Variants in PPFIA2 observed in about 807,000 individuals in gnomAD.
PPFIA2 encodes liprin-alpha-2.
PPFIA2 carries 46 observed loss-of-function variants against 175.5 expected under a neutral mutation model. The observed-to-expected ratio is 0.26, with a 90% CI of 0.21 to 0.34. The LOEUF (loss-of-function observed/expected upper bound fraction) is 0.34. Among genes scored for constraint, PPFIA2 ranks in the 10% least tolerant of loss-of-function variants. The pLI is 1.00. For synonymous variants in PPFIA2, 568 were observed against 511.4 expected, an observed-to-expected ratio of 1.11 and a Z score of -1.49; for missense variants, 1,179 against 1,506.1, an observed-to-expected ratio of 0.78 and a Z score of 3.60.
At chr12:81,735,240 A>C (rs1447647623) in intron 3 of PPFIA2, among the ~76,000 whole-genome samples, 1 of 151,782 alleles carries the variant, frequency 6.6e-6, no homozygotes, top group South Asian at 2.1e-4. Flanking sequence ...GCAATGTATG[A>C]AAGTTCTTAA....
chr12:81,310,437 AT>A (rs1196653798), intron 22 of PPFIA2, among the ~76,000 whole-genome samples: 1 of 152,124 alleles, frequency 6.6e-6, no homozygotes, highest in African/African-American at 2.4e-5. Flanking sequence ...AAGAAACCGA[AT>A]TGTAGAATGA....
intron 5 of PPFIA2, 111 bp downstream of exon 5, chr12:81,457,654 A>G (rs1330840771): frequency 1.6e-6 from 1 of 608,030 alleles, no homozygotes; most frequent in Non-Finnish European, 2.8e-6. Flanking sequence ...CTATCTGCTT[A>G]AAGTAATTAT....
intron 4 of PPFIA2, among the ~76,000 whole-genome samples, chr12:81,566,654 GAGA>G (rs2071389558): frequency 6.6e-6 from 1 of 151,778 alleles, no homozygotes; most frequent in Admixed American, 6.6e-5. Context: ...CTCACTTCAA[GAGA>G]AGGACACATT....
chr12:81,611,379 C>T (rs1231997092), intron 4 of PPFIA2, among the ~76,000 whole-genome samples: 1 of 152,168 alleles, frequency 6.6e-6, no homozygotes, highest in African/African-American at 2.4e-5. Flanking sequence ...GGGGGTTCCT[C>T]CCCTGCCTGA....
At chr12:81,521,333 T>C (rs2063099007) in intron 4 of PPFIA2, among the ~76,000 whole-genome samples, 1 of 152,164 alleles carries the variant, frequency 6.6e-6, no homozygotes, top group Non-Finnish European at 1.5e-5. Context: ...GAGTGATAAC[T>C]TGACGTATTT....
At chr12:81,664,392 C>T in intron 4 of PPFIA2, among the ~76,000 whole-genome samples, 1 of 152,088 alleles carries the variant, frequency 6.6e-6, no homozygotes, top group South Asian at 2.1e-4. Context: ...TATGAACAGA[C>T]ACTTCTCAAA....
chr12:81,470,896 C>T (rs1162515007), intron 4 of PPFIA2, among the ~76,000 whole-genome samples: 1 of 152,076 alleles, frequency 6.6e-6, no homozygotes, highest in Non-Finnish European at 1.5e-5. Context: ...CATTGAACAA[C>T]AGCTACCCAC....
chr12:81,682,730 C>A (rs1342411124), intron 3 of PPFIA2, among the ~76,000 whole-genome samples: 3 of 151,906 alleles, frequency 2.0e-5, no homozygotes, highest in Non-Finnish European at 4.4e-5. Flanking sequence ...AAAAATTTCT[C>A]AAAATTCCCC....
intron 4 of PPFIA2, among the ~76,000 whole-genome samples, chr12:81,525,509 A>G (rs2063634313): frequency 6.6e-6 from 1 of 152,172 alleles, no homozygotes; most frequent in Non-Finnish European, 1.5e-5. Flanking sequence ...TCTCAGTACT[A>G]CAATCACAGG....
intron 4 of PPFIA2, among the ~76,000 whole-genome samples, chr12:81,580,786 T>C (rs2074285333): frequency 6.6e-6 from 1 of 151,796 alleles, no homozygotes; most frequent in Non-Finnish European, 1.5e-5. Flanking sequence ...ACATGTGCTT[T>C]GTGCCCTTTG....
intron 4 of PPFIA2, among the ~76,000 whole-genome samples, chr12:81,653,575 C>T (rs1299817057): frequency 6.6e-6 from 1 of 152,056 alleles, no homozygotes; most frequent in Non-Finnish European, 1.5e-5. Context: ...TTTCAGATGG[C>T]ATTCTCCTGC....
At chr12:81,336,340 G>A (rs186488083) in intron 21 of PPFIA2, among the ~76,000 whole-genome samples, 8 of 152,204 alleles carry the variant, frequency 5.3e-5, no homozygotes, top group Middle Eastern at 3.4e-3. Context: ...TACTGATATT[G>A]TCTATGCTAG....
intron 4 of PPFIA2, among the ~76,000 whole-genome samples, chr12:81,598,609 C>G (rs964292069): frequency 6.6e-6 from 1 of 151,312 alleles, no homozygotes; most frequent in Non-Finnish European, 1.5e-5. Context: ...CCAGACTTTT[C>G]AACAAGATGT....
At chr12:81,287,380 A>T (rs2043722089) in intron 24 of PPFIA2, among the ~76,000 whole-genome samples, 1 of 151,872 alleles carries the variant, frequency 6.6e-6, no homozygotes. Context: ...GTCTGTCACC[A>T]TATTCTGGGA....
intron 4 of PPFIA2, among the ~76,000 whole-genome samples, chr12:81,664,426 G>A (rs11114970): frequency 0.092 from 13,930 of 152,018 alleles, 899 homozygotes; most frequent in East Asian, 0.27. Context: ...GCAGCCAAAA[G>A]ACACATGAAA....
intron 6 of PPFIA2, among the ~76,000 whole-genome samples, chr12:81,441,368 G>A (rs2050145081): frequency 6.6e-6 from 1 of 151,910 alleles, no homozygotes; most frequent in Non-Finnish European, 1.5e-5. Flanking sequence ...AAATATCCAA[G>A]TAGGGGTTTT....
chr12:81,461,635 T>C (rs1185129588), intron 4 of PPFIA2, among the ~76,000 whole-genome samples: 1 of 152,096 alleles, frequency 6.6e-6, no homozygotes, highest in East Asian at 1.9e-4. Flanking sequence ...AATACCAGTG[T>C]ATGCCCTTTA....
At chr12:81,337,984 C>T (rs910084265) in intron 21 of PPFIA2, among the ~76,000 whole-genome samples, 2 of 152,068 alleles carry the variant, frequency 1.3e-5, no homozygotes, top group Non-Finnish European at 2.9e-5. Context: ...AGATTTAATT[C>T]CTTTGCTGGA....
intron 21 of PPFIA2, among the ~76,000 whole-genome samples, chr12:81,327,214 G>A (rs1168771064): frequency 1.3e-5 from 2 of 151,836 alleles, no homozygotes; most frequent in African/African-American, 2.4e-5. Flanking sequence ...CACATTTATT[G>A]CTGTATAGAT....
Sources: allele counts gnomAD v4.1 joint callset (sites outside exome capture counted in the v4.1 genomes callset), GRCh38; gene constraint gnomAD v4.1.1; transcripts MANE v1.5; gene names NCBI Gene and HGNC (gene_info 2026-07-23, HGNC 2026-07-21).